MFF: variants seen among roughly 807,000 people sequenced by gnomAD.
MFF encodes the protein chromosome 2 open reading frame 33.
MFF carries 12 observed loss-of-function variants against 36.9 expected under a neutral mutation model. The observed-to-expected ratio is 0.33, with a 90% CI of 0.21 to 0.53. The LOEUF is 0.53. MFF is among the 20% of genes least tolerant of loss of function. The pLI, the probability that MFF is intolerant of heterozygous loss-of-function variation, is 0.95. For missense variants in MFF, 348 were observed against 366.6 expected (o/e 0.95, Z 0.42); for synonymous variants, 99 against 126.2 (o/e 0.78, Z 1.44).
rs76680689 is a variant in MFF, at chr2:227,327,202, A to G, written c.-152-1476A>G. Among the ~76,000 whole-genome samples, 949 of 152,114 alleles carry G rather than the reference A, an allele frequency of 6.2e-3. 15 individuals are homozygous for G. Among genetic ancestry groups the G allele is most frequent in the African/African-American group, 0.022 (893 of 41,526 alleles). Reference sequence around the variant, plus strand: ...GAAAAAAAAAACCCATGAAGTTGGCAAGTTAGTTACTGGTGTTTGGGAACC... The same window carrying G: ...GAAAAAAAAAACCCATGAAGTTGGCGAGTTAGTTACTGGTGTTTGGGAACC... On this transcript the variant is annotated intron_variant, in intron 1 of 8. Transcript: ENST00000304593.
chr2:227,326,971 C>T (rs966449182), intron 1 of MFF, among the ~76,000 whole-genome samples: 3 of 152,006 alleles, frequency 2.0e-5, no homozygotes, highest in Non-Finnish European at 4.4e-5. Flanking sequence ...GTACACTTTC[C>T]GCTAGTGGCA....
At chr2:227,335,130 A>G (rs1224329007) in intron 4 of MFF, among the ~76,000 whole-genome samples, 1 of 146,392 alleles carries the variant, frequency 6.8e-6, no homozygotes, top group South Asian at 2.1e-4. Flanking sequence ...AGATTGTGCC[A>G]CTGTACTCCG....
At chr2:227,344,472 A>C (rs1042912118) in intron 5 of MFF, among the ~76,000 whole-genome samples, 4 of 152,216 alleles carry the variant, frequency 2.6e-5, no homozygotes, top group Non-Finnish European at 5.9e-5. Context: ...TGTGGAGTAC[A>C]TTTTAGCTCC....
In MFF at chr2:227,341,689, T is replaced by C. The variant is rs541273002; in HGVS notation, c.440+1309T>C. 1.2e-3 allele frequency among the ~76,000 whole-genome samples: 176 copies of C among 152,270 alleles called. 5 individuals carry two copies. Among genetic ancestry groups the C allele is most frequent in the Non-Finnish European group, 1.1e-3 (72 of 67,982 alleles). On this transcript the variant is annotated intron_variant, in intron 5 of 8. Coordinates refer to ENST00000304593, the MANE Select transcript of MFF (RefSeq NM_001277062.2). ...GAGGCTGTATCATTTATGGCTAAGG[T>C]GGCTTCTTGATCTGCTTTAGAGTGA... is the stretch of plus-strand genomic sequence containing the variant.
intron 4 of MFF, among the ~76,000 whole-genome samples, chr2:227,334,984 C>T (rs2074877834): frequency 6.6e-6 from 1 of 152,064 alleles, no homozygotes; most frequent in African/African-American, 2.4e-5. Context: ...GCCTGGCCAA[C>T]ATGGTGAGAC....
chr2:227,346,921 G>A (rs1468518751), intron 5 of MFF: 3 of 201,826 alleles, frequency 1.5e-5, no homozygotes. Flanking sequence ...AGTAAAGAAT[G>A]CTGCTTCTCC....
At chr2:227,340,442 C>T in intron 5 of MFF, 62 bp downstream of exon 5, 1 of 1,210,248 alleles carries the variant, frequency 8.3e-7, no homozygotes, top group Non-Finnish European at 1.2e-6. Flanking sequence ...TTTCTGTACC[C>T]ATGTTTTTCT....
rs577694139 is a variant in MFF, at chr2:227,357,221, A to G, written c.*104A>G. 4.9e-4 allele frequency: 604 copies of G among 1,232,108 alleles called. 8 individuals carry two copies. The South Asian group carries it at 8.3e-3, about 17-fold the overall frequency. 76.3% of individuals were successfully genotyped at this position (1,232,108 alleles called of 1,614,324 possible). ...TGCATTGTATGCCATTTTATAGTCC[A>G]CACCCTGAAAATGTATTTCTTCCAG... On this transcript the variant is annotated 3_prime_UTR_variant, in exon 9 of 9. Transcript: ENST00000304593.
intron 4 of MFF, among the ~76,000 whole-genome samples, chr2:227,338,542 A>G (rs1268968697): frequency 6.6e-6 from 1 of 152,062 alleles, no homozygotes; most frequent in Non-Finnish European, 1.5e-5. Context: ...TTTAAAAACC[A>G]TAATGTCGGC....
intron 5 of MFF, chr2:227,346,102 C>G (rs2075696635): frequency 1.2e-5 from 2 of 162,452 alleles, no homozygotes; most frequent in African/African-American, 4.8e-5. Context: ...ACTATCCTGT[C>G]AAAAATTATC....
At chr2:227,342,756 C>G (rs2075468305) in intron 5 of MFF, 3 of 1,613,046 alleles carry the variant, frequency 1.9e-6, no homozygotes, top group Non-Finnish European at 2.5e-6. Context: ...TGGCACAGAT[C>G]AGATTCTGCC....
At chr2:227,336,752 A>G (rs1029800351) in intron 4 of MFF, among the ~76,000 whole-genome samples, 4 of 152,242 alleles carry the variant, frequency 2.6e-5, no homozygotes. Context: ...GAAGGATGAC[A>G]CAAAAGCCAT....
intron 6 of MFF, among the ~76,000 whole-genome samples, chr2:227,348,809 ATCT>A (rs755915431): frequency 3.3e-5 from 5 of 152,136 alleles, no homozygotes; most frequent in Non-Finnish European, 5.9e-5. Flanking sequence ...TCTTGTGAGG[ATCT>A]TCTCCCCTCC....
chr2:227,351,160 C>T (rs1255187164), intron 6 of MFF, among the ~76,000 whole-genome samples: 1 of 152,102 alleles, frequency 6.6e-6, no homozygotes, highest in Non-Finnish European at 1.5e-5. Context: ...TAACAGGTTT[C>T]CTAATGCCAC....
Position 227,330,754 on chromosome 2 carries a change from C to T in MFF, c.89C>T (p.Ala30Val). The T allele has an allele frequency of 1.2e-6, 2 of 1,614,096 alleles. No homozygotes were observed. The highest frequency in any genetic ancestry group is 2.2e-5 in the East Asian group (1 of 44,892). ...AGGGTCCCAGAAAAGTTAAAAGTAG[C>T]ACCGCCAAACGCTGACCTGGAACAA... ...RMRVPEKLKV[A>V]PPNADLEQGF... is the part of the protein sequence containing the mutation. The change falls in exon 3 of 9, where the codon GCA (alanine) becomes GTA (valine). Residue 30 changes from alanine (A) to valine (V), a missense_variant. Coordinates refer to ENST00000304593, the MANE Select transcript of MFF (RefSeq NM_001277062.2).
intron 3 of MFF, 38 bp from the exon 4 acceptor site, chr2:227,332,381 C>T (rs2074664703): frequency 6.7e-7 from 1 of 1,500,102 alleles, no homozygotes; most frequent in Non-Finnish European, 9.0e-7. Flanking sequence ...AAACCTCCCG[C>T]TTTTCTCTTC....
intron 8 of MFF, 98 bp downstream of exon 8, chr2:227,355,859 AC>A: frequency 1.4e-6 from 1 of 700,792 alleles, no homozygotes; most frequent in Non-Finnish European, 2.5e-6. Flanking sequence ...CTCCTGTGGG[AC>A]TATCAAACTA....
At chr2:227,350,110 ACT>A (rs2075915205) in intron 6 of MFF, among the ~76,000 whole-genome samples, 1 of 152,100 alleles carries the variant, frequency 6.6e-6, no homozygotes, top group Non-Finnish European at 1.5e-5. Context: ...TCTAAACCAA[ACT>A]CAACGTGAAA....
At chr2:227,326,468 T>C (rs2074144953) in intron 1 of MFF, among the ~76,000 whole-genome samples, 1 of 152,210 alleles carries the variant, frequency 6.6e-6, no homozygotes, top group African/African-American at 2.4e-5. Flanking sequence ...TTGGGGGACC[T>C]TCTATCTTTT....
Sources: allele counts gnomAD v4.1 joint callset (sites outside exome capture counted in the v4.1 genomes callset), GRCh38; gene constraint gnomAD v4.1.1; transcripts MANE v1.5; gene names NCBI Gene and HGNC (gene_info 2026-07-23, HGNC 2026-07-21).